CELSR1: variants seen among roughly 807,000 people sequenced by gnomAD.
CELSR1 encodes adhesion G protein-coupled receptor C1.
A neutral mutation model predicts 249.1 loss-of-function variants in CELSR1; 110 were observed. The observed-to-expected ratio is 0.44, with a 90% confidence interval of 0.38 to 0.52. The LOEUF (loss-of-function observed/expected upper bound fraction) is 0.52, where lower values mean the gene tolerates loss of function less well. Among genes scored for constraint, CELSR1 ranks in the 20% least tolerant of loss-of-function variants. CELSR1 has a pLI of 0.00. For missense variants in CELSR1, 4,109 were observed against 4,296.4 expected (o/e 0.96, Z 1.22); for synonymous variants, 2,113 against 1,900.0 (o/e 1.11, Z -2.92).
In CELSR1 at chr22:46,477,000, G is replaced by C. The variant is rs569947626; in HGVS notation, c.3545-12655C>G. On this transcript the variant is annotated intron_variant, in intron 1 of 34. Transcript: ENST00000674500. ...CTTAGTAAAAATTTGTCTTATTTTG[G>C]CGTGACATTGTACAAAAGGAGAAAG... Among the ~76,000 whole-genome samples the C allele has an allele frequency of 8.5e-4, 130 of 152,192 alleles. No homozygotes were observed. The Middle Eastern group carries it at 0.014, about 16-fold the overall frequency.
chr22:46,418,291 G>A (rs116981589), intron 5 of CELSR1, among the ~76,000 whole-genome samples: 17,825 of 152,074 alleles, frequency 0.12, 1,921 homozygotes, highest in African/African-American at 0.29. Flanking sequence ...GACCAGCCTG[G>A]CCAACAAGGT....
chr22:46,379,022 C>G (rs1041316109), intron 22 of CELSR1, among the ~76,000 whole-genome samples: 1 of 152,208 alleles, frequency 6.6e-6, no homozygotes, highest in Non-Finnish European at 1.5e-5. Context: ...CCAAGGAGCA[C>G]CCTCTGAAGT....
rs111259318 is a variant in CELSR1, at chr22:46,363,814, G to A, written c.9035+182C>T. 362 of 784,948 alleles carry A rather than the reference G, an allele frequency of 4.6e-4. 1 individual carries two copies. The highest frequency in any genetic ancestry group is 3.2e-3 in the African/African-American group (181 of 56,500). 48.6% of individuals were successfully genotyped at this position (784,948 alleles called of 1,614,324 possible). ...CAGGATAGGGGGTCTGCCCATCTCC[G>A]GGGTATCCTCCTGACCTCAGCTGCA... On this transcript the variant is annotated intron_variant, in intron 34 of 34. Transcript: ENST00000674500. The surrounding 1 kb of genome is among the most constrained non-coding windows in gnomAD (Gnocchi z 4.3).
At position 46,381,828 on chromosome 22, in the gene CELSR1, C is replaced by T. The variant is rs1338076096; in HGVS notation, c.7088+18G>A. The T allele has an allele frequency of 4.5e-6, 7 of 1,540,990 alleles. No individual in the cohort carries two copies. The highest frequency in any genetic ancestry group is 6.1e-6 in the Non-Finnish European group (7 of 1,146,876). ...TCCAGAACGGGCCCTCCCCGTGTGC[C>T]CCGTGCCCAGGCCTTACCGGAGGCT... On this transcript the variant is annotated intron_variant, in intron 21 of 34. Transcript: ENST00000674500. This position sits in a 1 kb window ranked among gnomAD's most constrained non-coding sequence, Gnocchi z 6.0.
chr22:46,367,879 T>G, intron 27 of CELSR1, 24 bp from the exon 28 acceptor site: 1 of 1,598,714 alleles, frequency 6.3e-7, no homozygotes, highest in Non-Finnish European at 8.5e-7. Flanking sequence ...GGATCAGGCC[T>G]GTGCCCATCG....
At position 46,535,111 on chromosome 22, in the gene CELSR1, A is replaced by G; in HGVS notation, c.2060T>C (p.Phe687Ser). 6.2e-7 allele frequency: 1 copy of G among 1,611,848 alleles called. No homozygotes were observed. Among genetic ancestry groups the G allele is most frequent in the Non-Finnish European group, 8.5e-7 (1 of 1,179,880 alleles). Residue 687 changes from phenylalanine (F) to serine (S), a missense_variant, in exon 1 of 35, where the codon TTC becomes TCC. Physicochemically the swap from Phe to Ser is radical, Grantham distance 155. This residue lies in a region of CELSR1 where 886 missense variants were observed against 896.5 expected (regional missense o/e 0.99). Transcript: ENST00000674500. Reference protein sequence around the residue: ...VLDVNDNDPVFTQPTYELRLN... With the variant: ...VLDVNDNDPVSTQPTYELRLN... The stretch of plus-strand genomic sequence containing the variant: ...ACGAAGCTCGTAGGTGGGCTGCGTG[A>G]ACACCGGGTCGTTGTCATTCACGTC...
At position 46,484,429 on chromosome 22, in the gene CELSR1, T is replaced by C. The variant is rs2206362; in HGVS notation, c.3545-20084A>G. Among the ~76,000 whole-genome samples, 24,221 of 151,970 alleles carry C rather than the reference T, an allele frequency of 0.16. 2,395 individuals carry two copies. Among genetic ancestry groups the C allele is most frequent in the African/African-American group, 0.27 (11,392 of 41,454 alleles). The stretch of plus-strand genomic sequence containing the variant: ...GGAGCCACCCCTCCTAGGCCTGAAA[T>C]GTGTCCCCACTCAGGGGCCCTGAAA... On this transcript the variant is annotated intron_variant, in intron 1 of 34. Transcript: ENST00000674500. The surrounding 1 kb of genome is among the most constrained non-coding windows in gnomAD (Gnocchi z 4.5).
intron 1 of CELSR1, among the ~76,000 whole-genome samples, chr22:46,492,555 G>A (rs1056219999): frequency 6.6e-6 from 1 of 152,174 alleles, no homozygotes; most frequent in Non-Finnish European, 1.5e-5. Flanking sequence ...CAGGCGCAGT[G>A]GCTCACGCCT....
At position 46,463,867 on chromosome 22, in the gene CELSR1, G is replaced by A. The variant is rs2080063911; in HGVS notation, c.4023C>T (p.Ile1341=). ...LSSTTVLFRP[I]HPINGLRCRC... The stretch of plus-strand genomic sequence containing the variant: ...GGCAGCGCAGGCCGTTGATGGGGTG[G>A]ATGGGCCGGAAGAGCACGGTGGTGG... Residue 1341 remains isoleucine, a synonymous_variant, in exon 2 of 35, where the codon ATC becomes ATT. Coordinates refer to ENST00000674500, the MANE Select transcript of CELSR1 (RefSeq NM_001378328.1). 1 of 1,612,816 alleles carries A rather than the reference G, an allele frequency of 6.2e-7. No individual in the cohort carries two copies. Among genetic ancestry groups the A allele is most frequent in the Admixed American group, 1.7e-5 (1 of 59,920 alleles).
intron 1 of CELSR1, among the ~76,000 whole-genome samples, chr22:46,492,311 A>G (rs767157759): frequency 2.6e-5 from 4 of 152,178 alleles, no homozygotes; most frequent in Non-Finnish European, 5.9e-5. Context: ...TCAGCCCTCA[A>G]TGGTCTCAGT....
rs775076828 is a variant in CELSR1, at chr22:46,439,327, A to G, written c.4268T>C (p.Ile1423Thr). The G allele has an allele frequency of 5.6e-6, 9 of 1,613,922 alleles. No homozygotes were observed. The Admixed American group carries it at 1.5e-4, about 27-fold the overall frequency. The change falls in exon 3 of 35, where the codon ATC becomes ACC. Residue 1423 changes from isoleucine (I) to threonine (T), a missense_variant. Transcript: ENST00000674500. ...AGGACACACGCAGTGGAAGCCGCCG[A>G]TGAGCAGGTTCACGCAGGTGCCCCC... The part of the protein sequence containing the change: ...KNGGTCVNLL[I>T]GGFHCVCPPG...
At position 46,484,660 on chromosome 22, in the gene CELSR1, G is replaced by A. The variant is rs1019175121; in HGVS notation, c.3545-20315C>T. Among the ~76,000 whole-genome samples the A allele has an allele frequency of 2.1e-5, 3 of 143,804 alleles. No individual in the cohort carries two copies. Among genetic ancestry groups the A allele is most frequent in the African/African-American group, 7.7e-5 (3 of 39,174 alleles). The allele number at this position is 143,804 out of a possible 152,430, so 94.3% of individuals were successfully genotyped here. On this transcript the variant is annotated intron_variant, in intron 1 of 34. Coordinates refer to ENST00000674500, the MANE Select transcript of CELSR1 (RefSeq NM_001378328.1). This position sits in a 1 kb window ranked among gnomAD's most constrained non-coding sequence, Gnocchi z 4.5. ...GCAGCACCTGTTTTGGCTGGGCATG[G>A]GGGTTCTGCCCCAGAGACCCTGTGG...
rs917920191 is a variant in CELSR1 at position 46,471,323 on chromosome 22, G to A, written c.3545-6978C>T. On this transcript the variant is annotated intron_variant, in intron 1 of 34. Transcript: ENST00000674500. The surrounding 1 kb of genome is among the most constrained non-coding windows in gnomAD (Gnocchi z 4.9). Reference sequence around the variant, plus strand: ...TTTACAAAAAAATTACTAATACAGCGGGTTCCCAGAGACCCCACACCCAGG... The same window carrying A: ...TTTACAAAAAAATTACTAATACAGCAGGTTCCCAGAGACCCCACACCCAGG... Among the ~76,000 whole-genome samples, 2 of 152,078 alleles carry A rather than the reference G, an allele frequency of 1.3e-5. No individual in the cohort carries two copies. The highest frequency in any genetic ancestry group is 1.9e-4 in the East Asian group (1 of 5,194).
Position 46,411,661 on chromosome 22 carries a change from A to G in CELSR1, c.4710T>C (p.Phe1570=), listed in dbSNP as rs781530158. Reference sequence around the variant, plus strand: ...AGCTGTAGTTCCCGATGTCCTTTCCAAAGCGCACAGCCATGGTTGTGTCAC... The same window carrying G: ...AGCTGTAGTTCCCGATGTCCTTTCCGAAGCGCACAGCCATGGTTGTGTCAC... ...DDCDTTMAVR[F]GKDIGNYSCA... The change falls in exon 6 of 35, where the codon TTT becomes TTC. Residue 1570 remains phenylalanine (F), a synonymous_variant. Coordinates refer to ENST00000674500, the MANE Select transcript of CELSR1 (RefSeq NM_001378328.1). This position sits in a 1 kb window ranked among gnomAD's most constrained non-coding sequence, Gnocchi z 4.2. 2 of 1,614,220 alleles carry G rather than the reference A, an allele frequency of 1.2e-6. No homozygotes were observed.
chr22:46,381,814 C>T lies in CELSR1; in HGVS notation c.7088+32G>A, dbSNP rs2078980163. On this transcript the variant is annotated intron_variant, in intron 21 of 34. Transcript: ENST00000674500. This position sits in a 1 kb window ranked among gnomAD's most constrained non-coding sequence, Gnocchi z 6.0. The stretch of plus-strand genomic sequence containing the variant: ...AAGCCTCAGGAGCCTCCAGAACGGG[C>T]CCTCCCCGTGTGCCCCGTGCCCAGG... 2 of 1,529,974 alleles carry T rather than the reference C, an allele frequency of 1.3e-6. No individual in the cohort carries two copies. The highest frequency in any genetic ancestry group is 2.5e-5 in the East Asian group (1 of 40,784). 94.8% of individuals were successfully genotyped at this position (1,529,974 alleles called of 1,614,324 possible). A position where few individuals can be genotyped will look rare whatever the true frequency, so the allele number is the denominator to read the frequency against.
In CELSR1 at chr22:46,534,703, C is replaced by T. The variant is rs373369863; in HGVS notation, c.2468G>A (p.Arg823His). 64 of 1,613,320 alleles carry T rather than the reference C, an allele frequency of 4.0e-5. No individual in the cohort carries two copies. The highest frequency in any genetic ancestry group is 3.1e-4 in the African/African-American group (23 of 74,908). The change falls in exon 1 of 35, where the codon CGC becomes CAC. Residue 823 changes from arginine to histidine, a missense_variant. Physicochemically the swap from Arg to His is conservative, Grantham distance 29. Around this residue, in one of 7 missense-constraint regions of CELSR1, gnomAD observed 886 missense variants for 896.5 expected, o/e 0.99. Coordinates refer to ENST00000674500, the MANE Select transcript of CELSR1 (RefSeq NM_001378328.1). The surrounding 1 kb of genome is among the most constrained non-coding windows in gnomAD (Gnocchi z 9.7). Reference protein sequence around the residue: ...ANDEDTGENARITYVIQDPVP... With the variant: ...ANDEDTGENAHITYVIQDPVP... ...GGGGTCCTGAATCACGTAGGTGATG[C>T]GGGCATTCTCTCCTGTGTCCTCATC...
Position 46,463,620 on chromosome 22 carries a change from G to A in CELSR1, c.4183+87C>T, listed in dbSNP as rs1407795165. On this transcript the variant is annotated intron_variant, in intron 2 of 34. Coordinates refer to ENST00000674500, the MANE Select transcript of CELSR1 (RefSeq NM_001378328.1). ...CATCCTCCAGCTGTTTTCCCCGGAGGGAAGTAAACAGAGGAAACCACCTGA... is the reference window on the plus strand; with the variant it reads ...CATCCTCCAGCTGTTTTCCCCGGAGAGAAGTAAACAGAGGAAACCACCTGA... 7 of 1,362,698 alleles carry A rather than the reference G, an allele frequency of 5.1e-6. No homozygotes were observed. The Admixed American group carries it at 1.7e-4, about 33-fold the overall frequency. The allele number at this position is 1,362,698 out of a possible 1,614,324, so 84.4% of individuals were successfully genotyped here. A position where few individuals can be genotyped will look rare whatever the true frequency, so the allele number is the denominator to read the frequency against.
In CELSR1 at chr22:46,409,773, C is replaced by T. The variant is rs1355852186; in HGVS notation, c.5041G>A (p.Gly1681Arg). 1.9e-6 allele frequency: 3 copies of T among 1,613,704 alleles called. No individual in the cohort carries two copies. The highest frequency in any genetic ancestry group is 2.5e-6 in the Non-Finnish European group (3 of 1,179,998). Reference protein sequence around the residue: ...YLCECPLRFGGKNCEQAMPHP... With the variant: ...YLCECPLRFGRKNCEQAMPHP... ...CACTCACCTTGCTCACAGTTCTTCC[C>T]GCCGAATCGGAGTGGACACTCACAC... Residue 1681 changes from glycine (G) to arginine (R), a missense_variant, in exon 8 of 35, where the codon GGG (glycine) becomes AGG (arginine). Coordinates refer to ENST00000674500, the MANE Select transcript of CELSR1 (RefSeq NM_001378328.1). This position sits in a 1 kb window ranked among gnomAD's most constrained non-coding sequence, Gnocchi z 9.8.
In CELSR1 at chr22:46,427,714, G is replaced by C. The variant is rs2079551549; in HGVS notation, c.4611+5679C>G. 1.3e-5 allele frequency among the ~76,000 whole-genome samples: 2 copies of C among 152,168 alleles called. No homozygotes were observed. The highest frequency in any genetic ancestry group is 2.9e-5 in the Non-Finnish European group (2 of 68,034). On this transcript the variant is annotated intron_variant, in intron 5 of 34. Transcript: ENST00000674500. The surrounding 1 kb of genome is among the most constrained non-coding windows in gnomAD (Gnocchi z 4.2). ...ATACCTTCCAAGTTCGTTTCTGTAAGTTGGATTCTGTGCGTGTAATTGGCA... is the reference window on the plus strand; with the variant it reads ...ATACCTTCCAAGTTCGTTTCTGTAACTTGGATTCTGTGCGTGTAATTGGCA...
Sources: allele counts gnomAD v4.1 joint callset (sites outside exome capture counted in the v4.1 genomes callset), GRCh38; gene constraint gnomAD v4.1.1; regional missense constraint gnomAD v4.1.1; non-coding constraint Gnocchi (gnomAD v3.1); transcripts MANE v1.5; gene names NCBI Gene and HGNC (gene_info 2026-07-23, HGNC 2026-07-21).